OSBPL11: variants seen among roughly 807,000 people sequenced by gnomAD.
OSBPL11 encodes the protein oxysterol binding protein like 11.
OSBPL11 carries 33 observed loss-of-function variants against 84.4 expected under a neutral mutation model. The observed-to-expected ratio is 0.39, with a 90% CI of 0.30 to 0.52. OSBPL11 has a LOEUF of 0.52. Among genes scored for constraint, OSBPL11 ranks in the 20% least tolerant of loss-of-function variants. The pLI is 0.72. For missense variants in OSBPL11, 736 were observed against 901.1 expected (o/e 0.82, Z 2.35); for synonymous variants, 276 against 310.2 (o/e 0.89, Z 1.16).
chr3:125,530,484 C>A lies in OSBPL11; in HGVS notation c.*31G>T. On this transcript the variant is annotated 3_prime_UTR_variant, in exon 13 of 13. Transcript: ENST00000296220. ...AGGATTTAGGGTAAACAGAGAAGAA[C>A]CTCATTTGGTCGAGTTTTAGATAGT... 3.8e-6 allele frequency: 6 copies of A among 1,590,548 alleles called. No individual in the cohort carries two copies. Among genetic ancestry groups the A allele is most frequent in the Non-Finnish European group, 5.2e-6 (6 of 1,158,682 alleles).
At chr3:125,568,386 G>A (rs549244663) in intron 5 of OSBPL11, among the ~76,000 whole-genome samples, 8 of 150,488 alleles carry the variant, frequency 5.3e-5, no homozygotes, top group South Asian at 4.2e-4. Context: ...AGCCAAGATC[G>A]CGCCACTGCA....
At chr3:125,583,887 TA>T (rs1936465793) in intron 1 of OSBPL11, among the ~76,000 whole-genome samples, 1 of 152,168 alleles carries the variant, frequency 6.6e-6, no homozygotes, top group African/African-American at 2.4e-5. Flanking sequence ...TATTTTGAGA[TA>T]CATTGCTTAG....
chr3:125,567,831 T>C (rs4679407), intron 5 of OSBPL11, among the ~76,000 whole-genome samples: 10,301 of 151,700 alleles, frequency 0.068, 466 homozygotes, highest in Non-Finnish European at 0.098. Flanking sequence ...CAACTCTACA[T>C]AAAATTTTAA....
rs569331169 is a variant in OSBPL11 at position 125,576,306 on chromosome 3, T to C, written c.549A>G (p.Ile183Met). The C allele has an allele frequency of 1.2e-6, 2 of 1,609,044 alleles. No homozygotes were observed. Among genetic ancestry groups the C allele is most frequent in the East Asian group, 4.5e-5 (2 of 44,590 alleles). Residue 183 changes from isoleucine to methionine, a missense_variant, in exon 5 of 13, where the codon ATA becomes ATG. By Grantham distance (10) the Ile-to-Met change is conservative. This residue lies in a region of OSBPL11 where 579 missense variants were observed against 717.6 expected (regional missense o/e 0.81). Coordinates refer to ENST00000296220, the MANE Select transcript of OSBPL11 (RefSeq NM_022776.5). ...FSLASSSNSP[I>M]SQRRPSQNAI... ...CATTTTGACTTGGTCTCCTCTGCGA[T>C]ATAGGAGAATTACTACTAGATGCAA...
chr3:125,593,343 G>T (rs1936629642), intron 1 of OSBPL11, among the ~76,000 whole-genome samples: 1 of 152,190 alleles, frequency 6.6e-6, no homozygotes, highest in African/African-American at 2.4e-5. Flanking sequence ...CTTCTGGCCA[G>T]GCGCGGTGGC....
At chr3:125,579,741 T>C in intron 3 of OSBPL11, 124 bp downstream of exon 3, 1 of 835,616 alleles carries the variant, frequency 1.2e-6, no homozygotes, top group Non-Finnish European at 1.9e-6. Context: ...AGGTTCAGAA[T>C]ATTGTATTTA....
At chr3:125,535,186 TA>T (rs1266206550) in intron 11 of OSBPL11, among the ~76,000 whole-genome samples, 1 of 151,566 alleles carries the variant, frequency 6.6e-6, no homozygotes, top group East Asian at 1.9e-4. Context: ...CCTACACAGA[TA>T]AAAAAATAAG....
At chr3:125,573,634 G>A (rs1424711042) in intron 5 of OSBPL11, among the ~76,000 whole-genome samples, 16 of 151,954 alleles carry the variant, frequency 1.1e-4, no homozygotes, top group Admixed American at 8.5e-4. Flanking sequence ...AGGCCGAGGC[G>A]GGTGGATCAC....
Position 125,594,865 on chromosome 3 carries a change from A to G in OSBPL11, c.-65T>C, listed in dbSNP as rs1580070283. 1.3e-6 allele frequency: 2 copies of G among 1,507,652 alleles called. No homozygotes were observed. The highest frequency in any genetic ancestry group is 1.3e-5 in the South Asian group (1 of 77,192). The allele number at this position is 1,507,652 out of a possible 1,614,324, so 93.4% of individuals were successfully genotyped here. ...GAACAATTCTGTAGTTCTGTAGGTG[A>G]CTTTTTTTTTTTAAGATTTGATCTG... is the stretch of plus-strand genomic sequence containing the variant. On this transcript the variant is annotated 5_prime_UTR_variant, in exon 1 of 13. Coordinates refer to ENST00000296220, the MANE Select transcript of OSBPL11 (RefSeq NM_022776.5).
chr3:125,584,090 C>T (rs990417864), intron 1 of OSBPL11, among the ~76,000 whole-genome samples: 1 of 152,094 alleles, frequency 6.6e-6, no homozygotes, highest in African/African-American at 2.4e-5. Context: ...CTTGGCCGGG[C>T]ATGGCAGCTC....
intron 5 of OSBPL11, among the ~76,000 whole-genome samples, chr3:125,571,389 T>C (rs1936239412): frequency 6.6e-6 from 1 of 152,108 alleles, no homozygotes; most frequent in Non-Finnish European, 1.5e-5. Flanking sequence ...GAGGAGAAAT[T>C]CAAGCTGGCT....
chr3:125,553,400 C>T (rs1282753630), intron 8 of OSBPL11, among the ~76,000 whole-genome samples: 1 of 152,116 alleles, frequency 6.6e-6, no homozygotes, highest in African/African-American at 2.4e-5. Flanking sequence ...GCAAAAACTG[C>T]AACATATATT....
At chr3:125,591,113 A>G (rs113668114) in intron 1 of OSBPL11, among the ~76,000 whole-genome samples, 4 of 152,338 alleles carry the variant, frequency 2.6e-5, no homozygotes, top group East Asian at 1.9e-4. Flanking sequence ...CCAATACTCC[A>G]TATCTCTGAG....
chr3:125,586,167 G>T (rs1213212539), intron 1 of OSBPL11, among the ~76,000 whole-genome samples: 1 of 151,994 alleles, frequency 6.6e-6, no homozygotes, highest in Non-Finnish European at 1.5e-5. Context: ...TACTGAAGTG[G>T]GAACATACCA....
chr3:125,562,938 A>G (rs1936099008), intron 7 of OSBPL11, among the ~76,000 whole-genome samples: 1 of 152,110 alleles, frequency 6.6e-6, no homozygotes, highest in Non-Finnish European at 1.5e-5. Context: ...AAAAAAAAGG[A>G]GAAAAAGTTG....
intron 10 of OSBPL11, among the ~76,000 whole-genome samples, chr3:125,542,744 TTG>T (rs1326343289): frequency 6.6e-6 from 1 of 152,152 alleles, no homozygotes; most frequent in Non-Finnish European, 1.5e-5. Context: ...TCTCCTGATC[TTG>T]TGATCTACCC....
At chr3:125,588,154 G>A (rs562303149) in intron 1 of OSBPL11, among the ~76,000 whole-genome samples, 7 of 151,520 alleles carry the variant, frequency 4.6e-5, no homozygotes, top group East Asian at 3.9e-4. Context: ...ACTGGGAGGC[G>A]GAGGTTTCAC....
At chr3:125,592,044 A>G (rs1182781483) in intron 1 of OSBPL11, among the ~76,000 whole-genome samples, 2 of 135,910 alleles carry the variant, frequency 1.5e-5, no homozygotes, top group African/African-American at 6.2e-5. Flanking sequence ...TTATTTTAAA[A>G]CTTCATGAAA....
intron 11 of OSBPL11, among the ~76,000 whole-genome samples, chr3:125,535,067 T>C (rs1281740384): frequency 6.6e-6 from 1 of 150,872 alleles, no homozygotes; most frequent in East Asian, 1.9e-4. Context: ...ATTAAATCAG[T>C]GAAGCCAAAA....
Sources: gnomAD v4.1 joint callset for allele counts (sites outside exome capture counted in the v4.1 genomes callset) on GRCh38, gnomAD v4.1.1 for gene constraint, gnomAD v4.1.1 regional missense constraint, MANE v1.5 for transcripts, NCBI Gene and HGNC (gene_info 2026-07-23, HGNC 2026-07-21) for gene names.